MTUS2: variants seen among roughly 807,000 people sequenced by gnomAD.
The protein encoded by MTUS2 is microtubule associated scaffold protein 2, also known as microtubule-associated tumor suppressor candidate 2.
In MTUS2, 40 loss-of-function variants were observed where a neutral mutation model predicts 114.1. That is an observed-to-expected ratio of 0.35 (90% CI 0.27 to 0.46). The LOEUF is 0.46. MTUS2 is among the 20% of genes least tolerant of loss of function. The pLI, the probability that MTUS2 is intolerant of heterozygous loss-of-function variation, is 1.00. For synonymous variants in MTUS2, 688 were observed against 672.0 expected (o/e 1.02, Z -0.37); for missense variants, 1,679 against 1,705.4 (o/e 0.98, Z 0.27).
At chr13:28,922,852 T>C (rs753258987) in intron 2 of MTUS2, among the ~76,000 whole-genome samples, 2 of 152,194 alleles carry the variant, frequency 1.3e-5, no homozygotes, top group Non-Finnish European at 2.9e-5. Flanking sequence ...TAAAATATGG[T>C]GTTTCTGTTG....
At chr13:29,240,780 T>TTATTTATGAATCATAAGAGTATTCA (rs1896702502) in intron 5 of MTUS2, among the ~76,000 whole-genome samples, 1 of 152,066 alleles carries the variant, frequency 6.6e-6, no homozygotes, top group Non-Finnish European at 1.5e-5. Flanking sequence ...TCTTATGATT[T>TTATTTATGAATCATAAGAGTATTCA]TATTTATGAA....
At chr13:28,932,603 G>T (rs1374777417) in intron 2 of MTUS2, among the ~76,000 whole-genome samples, 2 of 152,200 alleles carry the variant, frequency 1.3e-5, no homozygotes, top group East Asian at 1.9e-4. Context: ...GCTCCACGGG[G>T]TGAGAAACGG....
intron 5 of MTUS2, among the ~76,000 whole-genome samples, chr13:29,195,799 G>A (rs1470692706): frequency 6.6e-6 from 1 of 152,148 alleles, no homozygotes; most frequent in Non-Finnish European, 1.5e-5. Context: ...AAACCAGTGT[G>A]ATGTGTGCAA....
intron 6 of MTUS2, among the ~76,000 whole-genome samples, chr13:29,310,264 C>T (rs1360654556): frequency 3.3e-5 from 5 of 152,208 alleles, no homozygotes; most frequent in Non-Finnish European, 7.3e-5. Context: ...TAACCTGCCT[C>T]AGGTCACACA....
intron 2 of MTUS2, among the ~76,000 whole-genome samples, chr13:28,864,250 A>G (rs1451947137): frequency 1.3e-5 from 2 of 152,224 alleles, no homozygotes; most frequent in Admixed American, 6.5e-5. Flanking sequence ...AGTTCATACT[A>G]TAAAGGTTGT....
intron 2 of MTUS2, among the ~76,000 whole-genome samples, chr13:28,850,138 C>T (rs904005977): frequency 4.8e-5 from 4 of 84,108 alleles, no homozygotes; most frequent in South Asian, 2.9e-4. Context: ...ACAGTCTGCT[C>T]GTTGGTATAA....
chr13:29,188,921 G>A (rs756990741), intron 5 of MTUS2, among the ~76,000 whole-genome samples: 12 of 152,014 alleles, frequency 7.9e-5, no homozygotes, highest in Admixed American at 2.0e-4. Flanking sequence ...TTTTTTCCTT[G>A]ATCAATCCCT....
At chr13:29,120,765 C>G (rs895833697) in intron 5 of MTUS2, among the ~76,000 whole-genome samples, 1 of 152,088 alleles carries the variant, frequency 6.6e-6, no homozygotes, top group African/African-American at 2.4e-5. Context: ...CATTGCAATT[C>G]CCTCTATTAT....
At chr13:28,930,062 G>T (rs1415920174) in intron 2 of MTUS2, among the ~76,000 whole-genome samples, 1 of 152,092 alleles carries the variant, frequency 6.6e-6, no homozygotes, top group Non-Finnish European at 1.5e-5. Flanking sequence ...CAAAGGTCTG[G>T]CTCAGTCATG....
chr13:29,113,096 CT>C (rs1255944950), intron 5 of MTUS2, among the ~76,000 whole-genome samples: 1 of 152,148 alleles, frequency 6.6e-6, no homozygotes, highest in Non-Finnish European at 1.5e-5. Flanking sequence ...TCCCACGTCT[CT>C]CCAATTTTTT....
At chr13:29,251,364 T>C (rs1897119333) in intron 5 of MTUS2, among the ~76,000 whole-genome samples, 1 of 152,076 alleles carries the variant, frequency 6.6e-6, no homozygotes, top group Non-Finnish European at 1.5e-5. Context: ...AAACCATTTT[T>C]AAAACTTACA....
chr13:29,501,133 G>A lies in MTUS2; in HGVS notation c.3835G>A (p.Val1279Ile), dbSNP rs1448938499. ...CATTATCCTAGAAGAAAAGATCCAGGTTCTCCAACAGCAGAACGAAGACCT... is the reference window on the plus strand; with the variant it reads ...CATTATCCTAGAAGAAAAGATCCAGATTCTCCAACAGCAGAACGAAGACCT... Reference protein sequence around the residue: ...KNIILEEKIQVLQQQNEDLKA... With the variant: ...KNIILEEKIQILQQQNEDLKA... The change falls in exon 15 of 16, where the codon GTT becomes ATT. Residue 1279 changes from valine (V) to isoleucine (I), a missense_variant. Physicochemically the swap from Val to Ile is conservative, Grantham distance 29. This residue lies in a region of MTUS2 where 822 missense variants were observed against 899.7 expected (regional missense o/e 0.91). Coordinates refer to ENST00000612955, the MANE Select transcript of MTUS2 (RefSeq NM_001033602.4). 2.5e-6 allele frequency: 4 copies of A among 1,613,970 alleles called. No individual in the cohort carries two copies. The Admixed American group carries it at 6.7e-5, about 27-fold the overall frequency.
chr13:29,052,515 G>C (rs1887949574), intron 4 of MTUS2, among the ~76,000 whole-genome samples: 1 of 151,228 alleles, frequency 6.6e-6, no homozygotes, highest in Non-Finnish European at 1.5e-5. Context: ...ACAGCTAGCA[G>C]CTAGAGGATA....
At chr13:28,869,927 A>T (rs1024082063) in intron 2 of MTUS2, among the ~76,000 whole-genome samples, 6 of 152,108 alleles carry the variant, frequency 3.9e-5, no homozygotes, top group Admixed American at 3.9e-4. Flanking sequence ...GCAGACTCTT[A>T]ATTTCTTTCT....
chr13:29,136,255 T>C (rs1891973252), intron 5 of MTUS2, among the ~76,000 whole-genome samples: 1 of 152,220 alleles, frequency 6.6e-6, no homozygotes, highest in Non-Finnish European at 1.5e-5. Flanking sequence ...TCTCCTCACT[T>C]TTAAAGGACA....
chr13:29,183,467 T>G (rs1250599084), intron 5 of MTUS2, among the ~76,000 whole-genome samples: 1 of 152,130 alleles, frequency 6.6e-6, no homozygotes. Flanking sequence ...AATGGAAATA[T>G]CAAGTAACGA....
intron 4 of MTUS2, among the ~76,000 whole-genome samples, chr13:29,057,737 T>C (rs1888205559): frequency 6.6e-6 from 1 of 152,208 alleles, no homozygotes; most frequent in African/African-American, 2.4e-5. Flanking sequence ...AGTCAGGTTT[T>C]AGTCCTTTAT....
intron 5 of MTUS2, among the ~76,000 whole-genome samples, chr13:29,213,942 T>A (rs1895563774): frequency 6.6e-6 from 1 of 152,194 alleles, no homozygotes; most frequent in African/African-American, 2.4e-5. Flanking sequence ...GATTCCATTT[T>A]TTTTTGTTCA....
chr13:29,214,862 ATCTTAGTGGTGTTC>A (rs1895613551), intron 5 of MTUS2, among the ~76,000 whole-genome samples: 1 of 152,038 alleles, frequency 6.6e-6, no homozygotes, highest in African/African-American at 2.4e-5. Flanking sequence ...CTCGAGGAGT[ATCTTAGTGGTGTTC>A]TCTGTATTTC....
Sources: allele counts gnomAD v4.1 joint callset (sites outside exome capture counted in the v4.1 genomes callset), GRCh38; gene constraint gnomAD v4.1.1; regional missense constraint gnomAD v4.1.1; transcripts MANE v1.5; gene names NCBI Gene and HGNC (gene_info 2026-07-23, HGNC 2026-07-21).